The following KCNE1 variants were observed in gnomAD, a reference collection of about 807,000 sequenced individuals.
The protein encoded by KCNE1 is potassium voltage-gated channel subfamily E member 1.
KCNE1 carries 1 observed loss-of-function variant against 2.9 expected under a neutral mutation model. That is an observed-to-expected ratio of 0.34 (90% confidence interval 0.12 to 1.62). The LOEUF is 1.62. Ranked by LOEUF, KCNE1 falls within the 40% of genes most tolerant of loss-of-function variation. The pLI, the probability that KCNE1 is intolerant of heterozygous loss-of-function variation, is 0.36. For synonymous variants in KCNE1, 23 were observed against 65.4 expected, an observed-to-expected ratio of 0.35 and a Z score of 3.13; for missense variants, 45 against 150.5, an observed-to-expected ratio of 0.30 and a Z score of 3.67.
At chr21:34,501,640 G>T (rs1380171076) in intron 2 of KCNE1, among the ~76,000 whole-genome samples, 1 of 152,196 alleles carries the variant, frequency 6.6e-6, no homozygotes. Context: ...TCCAAGAGGT[G>T]GTGGTTGGTT....
intron 1 of KCNE1, 92 bp from the exon 2 acceptor site, chr21:34,511,407 C>T (rs528727389): frequency 4.1e-6 from 2 of 487,104 alleles, no homozygotes; most frequent in African/African-American, 4.2e-5. Flanking sequence ...GTCATGAGGG[C>T]TCCACCCTTA....
intron 2 of KCNE1, among the ~76,000 whole-genome samples, chr21:34,495,802 A>G (rs925374766): frequency 6.6e-6 from 1 of 151,960 alleles, no homozygotes; most frequent in Non-Finnish European, 1.5e-5. Flanking sequence ...TGGTCTATCA[A>G]TTTTGTTTAT....
chr21:34,511,991 T>A (rs900501881), intron 1 of KCNE1, 36 bp downstream of exon 1: 2 of 152,428 alleles, frequency 1.3e-5, no homozygotes, highest in African/African-American at 4.8e-5. Flanking sequence ...CATGGGCCTT[T>A]CTGCCTGGCC....
chr21:34,495,932 TTTG>T (rs1195048405), intron 2 of KCNE1, among the ~76,000 whole-genome samples: 1 of 152,194 alleles, frequency 6.6e-6, no homozygotes, highest in Non-Finnish European at 1.5e-5. Flanking sequence ...TTGAGTTTAG[TTTG>T]TTCTTGTTTC....
intron 2 of KCNE1, among the ~76,000 whole-genome samples, chr21:34,500,805 C>T (rs1404525813): frequency 6.6e-6 from 1 of 152,164 alleles, no homozygotes; most frequent in Non-Finnish European, 1.5e-5. Flanking sequence ...TAATGGCAGG[C>T]ATTTTTTATT....
At chr21:34,500,602 T>G (rs1268568639) in intron 2 of KCNE1, among the ~76,000 whole-genome samples, 2 of 152,244 alleles carry the variant, frequency 1.3e-5, no homozygotes, top group African/African-American at 4.8e-5. Flanking sequence ...CTCTACACCA[T>G]TCCTACCCAC....
At chr21:34,451,920 GC>G (rs1981335333) in intron 3 of KCNE1, among the ~76,000 whole-genome samples, 1 of 64,598 alleles carries the variant, frequency 1.5e-5, no homozygotes, top group African/African-American at 7.0e-5. Flanking sequence ...TCAGAGACTG[GC>G]CCCTGCCTCA....
At chr21:34,506,043 C>T (rs1050183164) in intron 2 of KCNE1, among the ~76,000 whole-genome samples, 13 of 152,192 alleles carry the variant, frequency 8.5e-5, no homozygotes, top group African/African-American at 3.1e-4. Context: ...TGTAAAAGCG[C>T]TTGTATGTTA....
chr21:34,509,443 C>CTT, intron 2 of KCNE1: 1 of 145,874 alleles, frequency 6.9e-6, no homozygotes, highest in Non-Finnish European at 1.5e-5. Flanking sequence ...AATCTTCCTT[C>CTT]TTTTTTTTTT....
chr21:34,505,036 T>C (rs1457896576), intron 2 of KCNE1, among the ~76,000 whole-genome samples: 1 of 152,188 alleles, frequency 6.6e-6, no homozygotes, highest in Admixed American at 6.5e-5. Flanking sequence ...CCATTGATCA[T>C]ACACATTAAA....
chr21:34,511,859 G>A (rs938838381), intron 1 of KCNE1, among the ~76,000 whole-genome samples, 168 bp downstream of exon 1: 9 of 152,342 alleles, frequency 5.9e-5, no homozygotes, highest in South Asian at 2.1e-4. Context: ...TTCTGCAGTT[G>A]GAAGAAGTGA....
Position 34,511,297 on chromosome 21 carries a change from C to T in KCNE1, c.-358G>A, listed in dbSNP as rs184663472. 7.1e-6 allele frequency: 7 copies of T among 985,532 alleles called. No homozygotes were observed. Among genetic ancestry groups the T allele is most frequent in the Non-Finnish European group, 8.4e-6 (7 of 830,002 alleles). 61.0% of individuals were successfully genotyped at this position (985,532 alleles called of 1,614,324 possible). ...ACGCCCTCCAGGACAGGCCGAAGGG[C>T]TTGTCTGTTTGGTGGTTGCTAAGGT... On this transcript the variant is annotated 5_prime_UTR_variant, in exon 2 of 4. Coordinates refer to ENST00000399286, the MANE Select transcript of KCNE1 (RefSeq NM_000219.6).
At chr21:34,496,860 T>G (rs1982842146) in intron 2 of KCNE1, among the ~76,000 whole-genome samples, 1 of 152,218 alleles carries the variant, frequency 6.6e-6, no homozygotes, top group South Asian at 2.1e-4. Context: ...GGTGCATATA[T>G]ATTTAGGATT....
intron 2 of KCNE1, among the ~76,000 whole-genome samples, chr21:34,509,255 T>C (rs901176048): frequency 1.4e-4 from 22 of 152,290 alleles, no homozygotes; most frequent in African/African-American, 5.1e-4. Flanking sequence ...GACGGAGGTG[T>C]CCTCTTCCTT....
chr21:34,507,969 A>T (rs1009894374), intron 2 of KCNE1, among the ~76,000 whole-genome samples: 2 of 151,900 alleles, frequency 1.3e-5, no homozygotes, highest in African/African-American at 4.8e-5. Context: ...CTGGAAGAAC[A>T]TTTATGAGGT....
intron 2 of KCNE1, among the ~76,000 whole-genome samples, chr21:34,497,029 C>T (rs1007186803): frequency 1.6e-4 from 24 of 152,092 alleles, no homozygotes; most frequent in African/African-American, 4.8e-4. Context: ...GTTTCCATTC[C>T]TTTACCTTAA....
At chr21:34,506,958 A>G (rs1983528852) in intron 2 of KCNE1, among the ~76,000 whole-genome samples, 1 of 152,242 alleles carries the variant, frequency 6.6e-6, no homozygotes, top group Admixed American at 6.5e-5. Flanking sequence ...GTGAAGGCAC[A>G]GAGGTAGGGG....
intron 2 of KCNE1, among the ~76,000 whole-genome samples, chr21:34,496,964 G>A (rs1982848810): frequency 6.6e-6 from 1 of 152,126 alleles, no homozygotes; most frequent in Non-Finnish European, 1.5e-5. Flanking sequence ...TGTTTTGTCT[G>A]ATATAAGAAT....
intron 2 of KCNE1, among the ~76,000 whole-genome samples, chr21:34,499,710 T>C (rs1011873371): frequency 1.6e-4 from 25 of 152,326 alleles, no homozygotes; most frequent in South Asian, 4.1e-4. Flanking sequence ...AGGTTCCCCA[T>C]TGGGGATATG....
Sources: allele counts gnomAD v4.1 joint callset (sites outside exome capture counted in the v4.1 genomes callset), GRCh38; gene constraint gnomAD v4.1.1; transcripts MANE v1.5; gene names NCBI Gene and HGNC (gene_info 2026-07-23, HGNC 2026-07-21).